Variants in PDGFC observed in about 807,000 individuals in gnomAD.
The protein encoded by PDGFC is platelet-derived growth factor C.
PDGFC carries 12 observed loss-of-function variants against 35.5 expected under a neutral mutation model. The ratio of observed to expected loss-of-function variants is 0.34; its 90% CI spans 0.22 to 0.55. The LOEUF is 0.55. Among genes scored for constraint, PDGFC ranks in the 20% least tolerant of loss-of-function variants. The pLI, the probability that PDGFC is intolerant of heterozygous loss-of-function variation, is 0.91. For missense variants in PDGFC, 322 were observed against 412.4 expected (o/e 0.78, Z 1.90); for synonymous variants, 159 against 148.8 (o/e 1.07, Z -0.50).
At chr4:156,810,108 A>G (rs1012023592) in intron 3 of PDGFC, among the ~76,000 whole-genome samples, 2 of 151,938 alleles carry the variant, frequency 1.3e-5, no homozygotes, top group Non-Finnish European at 2.9e-5. Flanking sequence ...GCAAATAATC[A>G]GTATTAAACT....
intron 1 of PDGFC, among the ~76,000 whole-genome samples, chr4:156,850,746 A>C (rs145528750): frequency 2.2e-4 from 34 of 152,280 alleles, no homozygotes; most frequent in African/African-American, 8.2e-4. Flanking sequence ...AGAAGTTATC[A>C]AATATGAGAC....
intron 1 of PDGFC, among the ~76,000 whole-genome samples, chr4:156,888,985 T>C (rs946440342): frequency 1.3e-5 from 2 of 152,206 alleles, no homozygotes; most frequent in South Asian, 4.1e-4. Flanking sequence ...TCATGGTTTG[T>C]AACAATTTCT....
At chr4:156,845,802 T>C (rs1729313137) in intron 2 of PDGFC, among the ~76,000 whole-genome samples, 1 of 151,872 alleles carries the variant, frequency 6.6e-6, no homozygotes, top group Non-Finnish European at 1.5e-5. Context: ...ATGTGTTTAC[T>C]TAATATCTAC....
rs1731994732 is a variant in PDGFC, at chr4:156,948,247, C to T, written c.118+22539G>A. 2.6e-5 allele frequency among the ~76,000 whole-genome samples: 4 copies of T among 151,596 alleles called. No individual in the cohort carries two copies. The South Asian group carries it at 8.3e-4, about 32-fold the overall frequency. ...AAAAAAAAAAGGAAAAGACGAAAAC[C>T]CCATATGGTGCCAAATGTTGGCAGC... is the stretch of plus-strand genomic sequence containing the variant. On this transcript the variant is annotated intron_variant, in intron 1 of 5. Coordinates refer to ENST00000502773, the MANE Select transcript of PDGFC (RefSeq NM_016205.3).
At chr4:156,951,739 A>C (rs1335775156) in intron 1 of PDGFC, among the ~76,000 whole-genome samples, 9 of 149,970 alleles carry the variant, frequency 6.0e-5, no homozygotes, top group East Asian at 3.9e-4. Flanking sequence ...TAGAAAAAAA[A>C]AAAAAAACAA....
intron 3 of PDGFC, among the ~76,000 whole-genome samples, chr4:156,785,891 A>T (rs1266420249): frequency 6.6e-6 from 1 of 152,150 alleles, no homozygotes; most frequent in Admixed American, 6.5e-5. Flanking sequence ...CAATTGAAAA[A>T]ATATCTTCCT....
At chr4:156,774,801 C>G (rs1008015251) in intron 3 of PDGFC, among the ~76,000 whole-genome samples, 7 of 152,052 alleles carry the variant, frequency 4.6e-5, no homozygotes, top group Non-Finnish European at 1.0e-4. Flanking sequence ...CAAGTCTCCA[C>G]TCAGCTGTTA....
chr4:156,952,823 A>G (rs1199511832), intron 1 of PDGFC, among the ~76,000 whole-genome samples: 1 of 151,936 alleles, frequency 6.6e-6, no homozygotes, highest in Non-Finnish European at 1.5e-5. Flanking sequence ...CCAAAATTAG[A>G]CATAAACAGA....
chr4:156,824,327 T>TATATATATACAC (rs1491500876), intron 2 of PDGFC, among the ~76,000 whole-genome samples: 8 of 102,818 alleles, frequency 7.8e-5, no homozygotes, highest in African/African-American at 1.4e-4. Flanking sequence ...TATATATATA[T>TATATATATACAC]ACACACACAC....
intron 1 of PDGFC, 30 bp downstream of exon 1, chr4:156,970,756 A>G: frequency 1.5e-6 from 2 of 1,342,604 alleles, no homozygotes; most frequent in Non-Finnish European, 1.1e-6. Context: ...AGCGAGAAAC[A>G]AGCAGGGGGA....
chr4:156,894,693 G>A (rs759956688), intron 1 of PDGFC, among the ~76,000 whole-genome samples: 4 of 152,062 alleles, frequency 2.6e-5, no homozygotes, highest in Non-Finnish European at 5.9e-5. Context: ...CAGAATAATT[G>A]GGATTCCACT....
chr4:156,784,636 TATA>T (rs1336980188), intron 3 of PDGFC, among the ~76,000 whole-genome samples: 15 of 152,090 alleles, frequency 9.9e-5, no homozygotes, highest in Non-Finnish European at 1.3e-4. Context: ...AAAAGCTTAA[TATA>T]ATAAGTACAG....
intron 1 of PDGFC, among the ~76,000 whole-genome samples, chr4:156,940,845 A>G (rs547866425): frequency 6.6e-6 from 1 of 152,294 alleles, no homozygotes; most frequent in East Asian, 1.9e-4. Flanking sequence ...GCCAGACATA[A>G]GCAAATTTCA....
intron 2 of PDGFC, among the ~76,000 whole-genome samples, chr4:156,823,627 C>T (rs1732332247): frequency 6.6e-6 from 1 of 152,124 alleles, no homozygotes; most frequent in Non-Finnish European, 1.5e-5. Context: ...ATGTTGTGAG[C>T]ATTGCTGGTG....
chr4:156,848,408 G>A (rs563414645), intron 2 of PDGFC, among the ~76,000 whole-genome samples: 1 of 152,024 alleles, frequency 6.6e-6, no homozygotes, highest in African/African-American at 2.4e-5. Flanking sequence ...ACCATTGTCA[G>A]AAAGTCTCAA....
intron 3 of PDGFC, among the ~76,000 whole-genome samples, chr4:156,785,218 G>A (rs915253894): frequency 7.9e-5 from 12 of 151,914 alleles, no homozygotes; most frequent in Middle Eastern, 3.2e-3. Context: ...TTTTTGAGAC[G>A]GAGTCTCACT....
At chr4:156,867,647 A>G (rs1729877770) in intron 1 of PDGFC, among the ~76,000 whole-genome samples, 1 of 152,186 alleles carries the variant, frequency 6.6e-6, no homozygotes, top group Non-Finnish European at 1.5e-5. Flanking sequence ...TAGAGAATTG[A>G]AAAATAATCA....
At chr4:156,816,866 G>A (rs1398916976) in intron 2 of PDGFC, among the ~76,000 whole-genome samples, 1 of 152,132 alleles carries the variant, frequency 6.6e-6, no homozygotes, top group African/African-American at 2.4e-5. Context: ...GAAATATTAG[G>A]GCCATACAGA....
intron 1 of PDGFC, among the ~76,000 whole-genome samples, chr4:156,853,131 C>A (rs1253748808): frequency 6.6e-6 from 1 of 152,172 alleles, no homozygotes; most frequent in Non-Finnish European, 1.5e-5. Flanking sequence ...ACTAATACAC[C>A]TTCTATCGCA....
Sources: allele counts gnomAD v4.1 joint callset (sites outside exome capture counted in the v4.1 genomes callset), GRCh38; gene constraint gnomAD v4.1.1; transcripts MANE v1.5; gene names NCBI Gene and HGNC (gene_info 2026-07-23, HGNC 2026-07-21).